The following TEP1 variants were observed in gnomAD, a reference collection of about 807,000 sequenced individuals.
TEP1 encodes the protein telomerase protein component 1.
In TEP1, 241 loss-of-function variants were observed where a neutral mutation model predicts 306.3. The ratio of observed to expected loss-of-function variants is 0.79; its 90% CI spans 0.71 to 0.88. The LOEUF (loss-of-function observed/expected upper bound fraction) is 0.88, where lower values mean the gene tolerates loss of function less well. TEP1 is among the 40% of genes least tolerant of loss of function. TEP1 has a pLI of 0.00. For synonymous variants in TEP1, 1,289 were observed against 1,305.5 expected (o/e 0.99, Z 0.27); for missense variants, 3,051 against 3,276.1 (o/e 0.93, Z 1.68).
chr14:20,371,343 C>T (rs751146440), intron 50 of TEP1, 29 bp from the exon 51 acceptor site: 1 of 1,608,262 alleles, frequency 6.2e-7, no homozygotes, highest in South Asian at 1.1e-5. Flanking sequence ...ATAGGTTGAG[C>T]TCAGGATTTA....
intron 38 of TEP1, 35 bp from the exon 39 acceptor site, chr14:20,378,271 C>G: frequency 6.2e-7 from 1 of 1,613,072 alleles, no homozygotes; most frequent in South Asian, 1.1e-5. Flanking sequence ...ACGTGAAGAC[C>G]TGCTCTCAGC....
rs1422232381 is a variant in TEP1, at chr14:20,381,770, C to G, written c.4425-84G>C. 2.0e-6 allele frequency: 3 copies of G among 1,533,022 alleles called. No individual in the cohort carries two copies. Among genetic ancestry groups the G allele is most frequent in the South Asian group, 1.3e-5 (1 of 77,676 alleles). The allele number at this position is 1,533,022 out of a possible 1,614,324, so 95.0% of individuals were successfully genotyped here. On this transcript the variant is annotated intron_variant, in intron 30 of 54. Coordinates refer to ENST00000262715, the MANE Select transcript of TEP1 (RefSeq NM_007110.5). The surrounding 1 kb of genome is among the most constrained non-coding windows in gnomAD (Gnocchi z 4.0). ...GGCACACAGTGGGCTCCTATTCCCC[C>G]CTCAAATAGCGGAAACTGGAGCAGC...
At chr14:20,389,519 C>A in intron 16 of TEP1, 91 bp downstream of exon 16, 1 of 1,564,784 alleles carries the variant, frequency 6.4e-7, no homozygotes, top group South Asian at 1.2e-5. Context: ...AGATCCCTGC[C>A]AAGTGGGAGT....
At chr14:20,388,888 G>A (rs1350789838) in intron 17 of TEP1, among the ~76,000 whole-genome samples, 2 of 152,168 alleles carry the variant, frequency 1.3e-5, no homozygotes, top group African/African-American at 2.4e-5. Context: ...GGTGGCTCAC[G>A]CCTGTAATCC....
intron 1 of TEP1, among the ~76,000 whole-genome samples, chr14:20,412,337 GTGA>G (rs1357973967): frequency 1.3e-5 from 2 of 152,086 alleles, no homozygotes; most frequent in African/African-American, 4.8e-5. Context: ...GAGCAACATA[GTGA>G]GACTGTCCTA....
In TEP1 at chr14:20,401,135, G is replaced by C. The variant is rs1335914582; in HGVS notation, c.1398C>G (p.Pro466=). The change falls in exon 9 of 55, where the codon CCC becomes CCG. Residue 466 remains proline, a synonymous_variant. Coordinates refer to ENST00000262715, the MANE Select transcript of TEP1 (RefSeq NM_007110.5). ...TTCGAGAAAAGAGCTGTAGGTTGGA[G>C]GGGTATCTGAGGATAGGTAAGAAAG... ...HVQALLGYRY[P]SNLQLFSRSR... is the part of the protein sequence containing the mutation. The C allele has an allele frequency of 1.2e-6, 2 of 1,614,074 alleles. No individual in the cohort carries two copies. Among genetic ancestry groups the C allele is most frequent in the Admixed American group, 1.7e-5 (1 of 59,976 alleles).
chr14:20,403,914 A>T, intron 5 of TEP1, 30 bp from the exon 6 acceptor site: 1 of 1,613,586 alleles, frequency 6.2e-7, no homozygotes, highest in Non-Finnish European at 8.5e-7. Flanking sequence ...GACCACTAGA[A>T]GCAAGACCCA....
chr14:20,371,112 C>A, intron 51 of TEP1, 106 bp downstream of exon 51: 1 of 913,052 alleles, frequency 1.1e-6, no homozygotes, highest in Non-Finnish European at 1.8e-6. Flanking sequence ...AGAGGATTTG[C>A]AGCCAACTGC....
chr14:20,377,892 C>A, intron 39 of TEP1, 132 bp downstream of exon 39: 1 of 1,455,324 alleles, frequency 6.9e-7, no homozygotes, highest in South Asian at 1.2e-5. Context: ...ACAGCGGCAC[C>A]CCTCTCCCCG....
In TEP1 at chr14:20,404,757, T is replaced by A; in HGVS notation, c.886A>T (p.Arg296Trp). Residue 296 changes from arginine (R) to tryptophan (W), a missense_variant, in exon 5 of 55, where the codon AGG becomes TGG. Coordinates refer to ENST00000262715, the MANE Select transcript of TEP1 (RefSeq NM_007110.5). The stretch of plus-strand genomic sequence containing the variant: ...ACATTCCGGACGTTCAGCTGCTGCC[T>A]GGCATACAAAGATGCCTAGGACACA... ...EFILKASLYA[R>W]QQLNVRNVAN... 6.2e-7 allele frequency: 1 copy of A among 1,610,856 alleles called. No homozygotes were observed. The highest frequency in any genetic ancestry group is 8.5e-7 in the Non-Finnish European group (1 of 1,178,232).
intron 15 of TEP1, among the ~76,000 whole-genome samples, chr14:20,390,046 T>C (rs1274804126): frequency 6.6e-6 from 1 of 152,120 alleles, no homozygotes; most frequent in East Asian, 1.9e-4. Context: ...ATTGTATACA[T>C]TTAAAAAATT....
rs555552369 is a variant in TEP1, at chr14:20,388,887, C to T, written c.2525+351G>A. Among the ~76,000 whole-genome samples, 121 of 152,262 alleles carry T rather than the reference C, an allele frequency of 7.9e-4. 3 individuals are homozygous for T. The South Asian group carries it at 0.023, about 29-fold the overall frequency. Reference sequence around the variant, plus strand: ...AACTGGAGCCGGGTGCGGTGGCTCACGCCTGTAATCCCAGCACTTTGGGAG... The same window carrying T: ...AACTGGAGCCGGGTGCGGTGGCTCATGCCTGTAATCCCAGCACTTTGGGAG... On this transcript the variant is annotated intron_variant, in intron 17 of 54. Transcript: ENST00000262715.
rs1369563764 is a variant in TEP1, at chr14:20,384,080, G to A, written c.3492C>T (p.Ser1164=). Residue 1164 remains serine, a synonymous_variant, in exon 24 of 55, where the codon AGC becomes AGT. Transcript: ENST00000262715. The part of the protein sequence containing the change: ...QRLMLPHGRL[S]LVTGQSGQGK... ...CCTGTCCTGACTGCCCCGTCACCAG[G>A]CTCAGCCTTCCGTGGGGCAGCATCA... 6.2e-7 allele frequency: 1 copy of A among 1,613,542 alleles called. No individual in the cohort carries two copies. Among genetic ancestry groups the A allele is most frequent in the East Asian group, 2.2e-5 (1 of 44,880 alleles).
At chr14:20,402,215 G>A (rs1301549832) in intron 7 of TEP1, among the ~76,000 whole-genome samples, 1 of 152,184 alleles carries the variant, frequency 6.6e-6, no homozygotes, top group Admixed American at 6.6e-5. Context: ...GGCTGAGGCA[G>A]GAGAATTGCT....
At chr14:20,410,504 C>G (rs1248985176) in intron 1 of TEP1, among the ~76,000 whole-genome samples, 3 of 152,068 alleles carry the variant, frequency 2.0e-5, no homozygotes, top group Non-Finnish European at 2.9e-5. Context: ...CTCACTGCAA[C>G]CTCCGCCTCC....
rs145594272 is a variant in TEP1 at position 20,376,112 on chromosome 14, G to A, written c.6241C>T (p.Arg2081Trp). Residue 2081 changes from arginine to tryptophan, a missense_variant, in exon 42 of 55, where the codon CGG becomes TGG. Coordinates refer to ENST00000262715, the MANE Select transcript of TEP1 (RefSeq NM_007110.5). The part of the protein sequence containing the change: ...TDGGSLATGG[R>W]DRSLLCWDVR... ...ATCCTTCTGCAGCTCACCCGATCCC[G>A]GCCCCCGGTGGCCAGGCTGCCTCCA... is the stretch of plus-strand genomic sequence containing the variant. The A allele has an allele frequency of 1.2e-5, 20 of 1,613,870 alleles. No homozygotes were observed. Among genetic ancestry groups the A allele is most frequent in the African/African-American group, 8.0e-5 (6 of 75,030 alleles).
intron 1 of TEP1, among the ~76,000 whole-genome samples, chr14:20,411,041 C>T (rs1879651429): frequency 6.6e-6 from 1 of 151,844 alleles, no homozygotes; most frequent in African/African-American, 2.4e-5. Context: ...AGGATGGTCT[C>T]AATCTCCCGA....
chr14:20,371,266 A>G lies in TEP1; in HGVS notation c.7269T>C (p.Tyr2423=), dbSNP rs1884819517. The G allele has an allele frequency of 6.2e-7, 1 of 1,614,180 alleles. No homozygotes were observed. The highest frequency in any genetic ancestry group is 8.5e-7 in the Non-Finnish European group (1 of 1,180,020). The change falls in exon 51 of 55, where the codon TAT becomes TAC. Residue 2423 remains tyrosine, a synonymous_variant. Transcript: ENST00000262715. ...NPMILSTHKE[Y]GIFVLQPKDP... Reference sequence around the variant, plus strand: ...CCTTGGGCTGCAGGACAAATATGCCATACTCCTTGTGGGTGGACAATATCA... The same window carrying G: ...CCTTGGGCTGCAGGACAAATATGCCGTACTCCTTGTGGGTGGACAATATCA...
At position 20,377,461 on chromosome 14, in the gene TEP1, A is replaced by G. The variant is rs748402200; in HGVS notation, c.5907T>C (p.Asp1969=). ...GCCAGGCCAGGGCGGACACTGCCAC[A>G]TCCAGTGCCTGACCCTGAGCCCCCT... The part of the protein sequence containing the change: ...GSQGAQGQAL[D]VAVSALAWLS... Residue 1969 remains aspartate (D), a synonymous_variant, in exon 41 of 55, where the codon GAT becomes GAC. Transcript: ENST00000262715. 15 of 1,614,096 alleles carry G rather than the reference A, an allele frequency of 9.3e-6. No homozygotes were observed. The African/African-American group carries it at 1.1e-4, about 11-fold the overall frequency.
Sources: gnomAD v4.1 joint callset for allele counts (sites outside exome capture counted in the v4.1 genomes callset) on GRCh38, gnomAD v4.1.1 for gene constraint, Gnocchi (gnomAD v3.1) non-coding constraint, MANE v1.5 for transcripts, NCBI Gene and HGNC (gene_info 2026-07-23, HGNC 2026-07-21) for gene names.